Variants in B4GALNT3 observed in about 807,000 individuals in gnomAD.
B4GALNT3 encodes beta-1,4-N-acetyl-galactosaminyltransferase 3, also known as beta-1,4-N-acetylgalactosaminyltransferase 3.
B4GALNT3 carries 86 observed loss-of-function variants against 120.2 expected under a neutral mutation model. The ratio of observed to expected loss-of-function variants is 0.72; its 90% CI spans 0.60 to 0.86. B4GALNT3 has a LOEUF of 0.86. B4GALNT3 is among the 40% of genes least tolerant of loss of function. The pLI, the probability that B4GALNT3 is intolerant of heterozygous loss-of-function variation, is 0.00. For synonymous variants in B4GALNT3, 518 were observed against 510.4 expected (o/e 1.01, Z -0.20); for missense variants, 1,167 against 1,298.9 (o/e 0.90, Z 1.56).
intron 1 of B4GALNT3, among the ~76,000 whole-genome samples, chr12:488,163 A>T (rs1030135432): frequency 6.7e-6 from 1 of 150,332 alleles, no homozygotes; most frequent in Non-Finnish European, 1.5e-5. Flanking sequence ...AAAAAAAAAA[A>T]CCCCATCAAC....
At chr12:478,048 T>C (rs889725693) in intron 1 of B4GALNT3, among the ~76,000 whole-genome samples, 1 of 151,986 alleles carries the variant, frequency 6.6e-6, no homozygotes, top group African/African-American at 2.4e-5. Context: ...CTAGGAGTTT[T>C]AGAGCAGCCT....
Position 504,012 on chromosome 12 carries a change from A to G in B4GALNT3, c.170-31154A>G, listed in dbSNP as rs187912616. Among the ~76,000 whole-genome samples, 300 of 152,134 alleles carry G rather than the reference A, an allele frequency of 2.0e-3. 1 individual carries two copies. The highest frequency in any genetic ancestry group is 6.9e-3 in the African/African-American group (286 of 41,522). On this transcript the variant is annotated intron_variant, in intron 1 of 19. Transcript: ENST00000266383. The stretch of plus-strand genomic sequence containing the variant: ...CGCCTGTAGTCCCAGCTACTTGGGA[A>G]GCTGAGGCAGGAGAATCACTTGAAC...
chr12:494,143 G>A (rs532400337), intron 1 of B4GALNT3, among the ~76,000 whole-genome samples: 3 of 152,066 alleles, frequency 2.0e-5, no homozygotes, highest in South Asian at 2.1e-4. Context: ...GGTGGTGTGC[G>A]CCTGTTGTCC....
chr12:511,339 T>TCCTTCCACCTTCCA (rs377518044), intron 1 of B4GALNT3, among the ~76,000 whole-genome samples: 2 of 51,122 alleles, frequency 3.9e-5, no homozygotes, highest in Non-Finnish European at 7.8e-5. Context: ...CCTTCCACCT[T>TCCTTCCACCTTCCA]CCTTCCACCT....
intron 2 of B4GALNT3, 137 bp downstream of exon 2, chr12:535,406 C>G (rs1946848280): frequency 3.0e-6 from 2 of 662,554 alleles, no homozygotes; most frequent in Admixed American, 2.7e-5. Context: ...GAGTCCTAGT[C>G]TGGCCTCAGG....
intron 1 of B4GALNT3, among the ~76,000 whole-genome samples, chr12:503,419 C>T (rs1359229114): frequency 6.6e-6 from 1 of 152,224 alleles, no homozygotes; most frequent in African/African-American, 2.4e-5. Flanking sequence ...GGAGCTGTGA[C>T]TTCTCTGCCA....
At position 550,949 on chromosome 12, in the gene B4GALNT3, G is replaced by A. The variant is rs186841043; in HGVS notation, c.1025G>A (p.Arg342His). 3.7e-6 allele frequency: 6 copies of A among 1,613,948 alleles called. No homozygotes were observed. In the African/African-American group the frequency reaches 5.3e-5, roughly 14 times the overall value. ...RVPLIPKSHL[R>H]HVLPDCPYKP... ...CCTCTGATCCCCAAGTCGCATCTCC[G>A]CCACGTCCTGCCTGACTGTCCCTAC... Residue 342 changes from arginine to histidine, a missense_variant, in exon 11 of 20, where the codon CGC becomes CAC. Arg to His is a conservative substitution (Grantham distance 29). Transcript: ENST00000266383. The surrounding 1 kb of genome is among the most constrained non-coding windows in gnomAD (Gnocchi z 4.1).
rs141031245 is a variant in B4GALNT3 at position 561,157 on chromosome 12, G to T, written c.2889-186G>T. 3.3e-5 allele frequency among the ~76,000 whole-genome samples: 5 copies of T among 152,324 alleles called. No homozygotes were observed. In the East Asian group the frequency reaches 9.6e-4, roughly 29 times the overall value. On this transcript the variant is annotated intron_variant, in intron 19 of 19. Transcript: ENST00000266383. The stretch of plus-strand genomic sequence containing the variant: ...GAGCAGACAGGCTCTGAAAGAAGGC[G>T]TGACATACCCAGTCATGCAGCTGGG...
chr12:533,522 C>G (rs536767315), intron 1 of B4GALNT3, among the ~76,000 whole-genome samples: 5 of 152,200 alleles, frequency 3.3e-5, no homozygotes, highest in Non-Finnish European at 5.9e-5. Context: ...GAGGCCTCTG[C>G]GCCGGCACTC....
At chr12:552,189 A>C in intron 12 of B4GALNT3, 26 bp downstream of exon 12, 1 of 1,568,774 alleles carries the variant, frequency 6.4e-7, no homozygotes, top group Non-Finnish European at 8.8e-7. Context: ...TGGGGCAGGA[A>C]GGTGACCTTG....
intron 18 of B4GALNT3, 35 bp from the exon 19 acceptor site, chr12:559,260 G>A: frequency 6.2e-7 from 1 of 1,613,146 alleles, no homozygotes. Context: ...CCTGGCCTCT[G>A]GCTCATCTCA....
chr12:560,377 G>A (rs982011805), intron 19 of B4GALNT3, among the ~76,000 whole-genome samples: 8 of 152,122 alleles, frequency 5.3e-5, no homozygotes, highest in Non-Finnish European at 8.8e-5. Context: ...CCGTTACCTC[G>A]TTTATTTCTC....
At chr12:561,310 T>G (rs770849957) in intron 19 of B4GALNT3, 33 bp from the exon 20 acceptor site, 4 of 1,567,892 alleles carry the variant, frequency 2.6e-6, no homozygotes, top group Non-Finnish European at 3.5e-6. Context: ...CTTCTGTGCT[T>G]CTGTTGGCTC....
chr12:506,657 GAC>G (rs1946498897), intron 1 of B4GALNT3, among the ~76,000 whole-genome samples: 2 of 151,410 alleles, frequency 1.3e-5, no homozygotes, highest in Non-Finnish European at 2.9e-5. Flanking sequence ...TTTTTTTTGA[GAC>G]AGAGTCTCAC....
chr12:532,867 T>G (rs1946820644), intron 1 of B4GALNT3, among the ~76,000 whole-genome samples: 1 of 152,158 alleles, frequency 6.6e-6, no homozygotes, highest in Non-Finnish European at 1.5e-5. Flanking sequence ...GGGTTAGTCA[T>G]CTCCCCTTGG....
chr12:482,580 ATTCG>A (rs1201196118), intron 1 of B4GALNT3, among the ~76,000 whole-genome samples: 2 of 152,194 alleles, frequency 1.3e-5, no homozygotes, highest in East Asian at 3.9e-4. Flanking sequence ...AGTTGTGGGG[ATTCG>A]TCTGTATTTG....
chr12:512,576 CCTT>C (rs1187081353), intron 1 of B4GALNT3, among the ~76,000 whole-genome samples: 18 of 135,568 alleles, frequency 1.3e-4, no homozygotes, highest in South Asian at 2.6e-4. Flanking sequence ...CCACCTTCCA[CCTT>C]CTTCCACCTT....
chr12:501,696 G>A (rs930365652), intron 1 of B4GALNT3, among the ~76,000 whole-genome samples: 1 of 152,218 alleles, frequency 6.6e-6, no homozygotes, highest in Non-Finnish European at 1.5e-5. Flanking sequence ...CACTCAACTA[G>A]GGAGATTGTT....
chr12:544,748 C>A, intron 4 of B4GALNT3, 134 bp from the exon 5 acceptor site: 3 of 823,748 alleles, frequency 3.6e-6, no homozygotes, highest in Non-Finnish European at 5.7e-6. Context: ...TGAAATTGAG[C>A]CTGCACTCCA....
Sources: allele counts gnomAD v4.1 joint callset (sites outside exome capture counted in the v4.1 genomes callset), GRCh38; gene constraint gnomAD v4.1.1; non-coding constraint Gnocchi (gnomAD v3.1); transcripts MANE v1.5; gene names NCBI Gene and HGNC (gene_info 2026-07-23, HGNC 2026-07-21).